GRB10: variants seen among roughly 807,000 people sequenced by gnomAD.
GRB10 encodes the protein growth factor receptor bound protein 10.
GRB10 carries 20 observed loss-of-function variants against 80.9 expected under a neutral mutation model. The ratio of observed to expected loss-of-function variants is 0.25; its 90% confidence interval spans 0.17 to 0.36. GRB10 has a LOEUF of 0.36. Ranked by LOEUF, GRB10 falls within the 10% of genes least tolerant of loss-of-function variation. The pLI, the probability that GRB10 is intolerant of heterozygous loss-of-function variation, is 1.00. For missense variants in GRB10, 548 were observed against 747.7 expected (o/e 0.73, Z 3.12); for synonymous variants, 291 against 291.5 (o/e 1.00, Z 0.02).
chr7:50,620,212 C>A (rs1563181702), intron 8 of GRB10, among the ~76,000 whole-genome samples: 1 of 152,150 alleles, frequency 6.6e-6, no homozygotes. Flanking sequence ...ACAAGATGAA[C>A]AAATGTACAG....
At chr7:50,765,448 G>A (rs1237807701) in intron 2 of GRB10, among the ~76,000 whole-genome samples, 4 of 152,214 alleles carry the variant, frequency 2.6e-5, no homozygotes, top group African/African-American at 9.6e-5. Context: ...TTTAAAAAAG[G>A]TGGTACATAC....
intron 8 of GRB10, among the ~76,000 whole-genome samples, chr7:50,624,176 C>T (rs954719776): frequency 2.0e-5 from 3 of 152,156 alleles, no homozygotes; most frequent in African/African-American, 7.2e-5. Flanking sequence ...CAGCCACCAG[C>T]CTGGCGTATG....
intron 2 of GRB10, among the ~76,000 whole-genome samples, chr7:50,778,026 C>T (rs887439330): frequency 5.3e-5 from 8 of 151,986 alleles, no homozygotes; most frequent in Non-Finnish European, 1.0e-4. Context: ...CCATGGTACA[C>T]GTATACCTAT....
intron 3 of GRB10, among the ~76,000 whole-genome samples, chr7:50,737,829 CAA>C (rs1170383240): frequency 1.3e-5 from 2 of 152,144 alleles, no homozygotes; most frequent in African/African-American, 4.8e-5. Context: ...GCCTGGGCGA[CAA>C]GAGCAAAACT....
intron 2 of GRB10, among the ~76,000 whole-genome samples, chr7:50,762,680 TA>T (rs1351188717): frequency 5.3e-5 from 8 of 152,198 alleles, no homozygotes; most frequent in Non-Finnish European, 8.8e-5. Flanking sequence ...CAAGAACTAC[TA>T]AACTACTAAG....
intron 5 of GRB10, among the ~76,000 whole-genome samples, chr7:50,677,291 C>CA (rs1276819619): frequency 6.6e-6 from 1 of 152,158 alleles, no homozygotes; most frequent in Non-Finnish European, 1.5e-5. Context: ...GAAGAACACT[C>CA]AGAGTCAGCA....
chr7:50,755,519 C>T (rs2074719), intron 3 of GRB10, among the ~76,000 whole-genome samples: 93,368 of 151,446 alleles, frequency 0.62, 31,658 homozygotes, highest in Middle Eastern at 0.87. Context: ...CTGAGGCTCA[C>T]GAGGAGTGCC....
intron 13 of GRB10, chr7:50,606,880 C>G (rs2048644365): frequency 4.8e-6 from 1 of 209,610 alleles, no homozygotes; most frequent in Non-Finnish European, 9.7e-6. Flanking sequence ...CATTCAATCT[C>G]TAGTATGTAT....
At chr7:50,672,062 G>A (rs575869417) in intron 6 of GRB10, among the ~76,000 whole-genome samples, 1 of 152,336 alleles carries the variant, frequency 6.6e-6, no homozygotes, top group East Asian at 1.9e-4. Context: ...ACTCTCAAAA[G>A]CCTGGGTTCC....
At chr7:50,655,535 T>A (rs1438080230) in intron 7 of GRB10, among the ~76,000 whole-genome samples, 3 of 152,186 alleles carry the variant, frequency 2.0e-5, no homozygotes, top group Admixed American at 1.3e-4. Flanking sequence ...CTTACCAATT[T>A]TACTTAGATG....
At chr7:50,652,467 C>G (rs143751724) in intron 7 of GRB10, among the ~76,000 whole-genome samples, 1 of 152,178 alleles carries the variant, frequency 6.6e-6, no homozygotes, top group African/African-American at 2.4e-5. Flanking sequence ...AGGGTGGACA[C>G]AGAATAAGAG....
At chr7:50,757,014 T>C (rs1005408470) in intron 2 of GRB10, among the ~76,000 whole-genome samples, 1 of 152,116 alleles carries the variant, frequency 6.6e-6, no homozygotes, top group Non-Finnish European at 1.5e-5. Context: ...GAAGCTAAAT[T>C]TTCCTAATTG....
intron 7 of GRB10, among the ~76,000 whole-genome samples, chr7:50,668,812 C>T (rs2060072481): frequency 6.6e-6 from 1 of 152,232 alleles, no homozygotes. Flanking sequence ...AGTTTCTCTG[C>T]TAAGCTGACT....
chr7:50,760,017 A>T (rs1488685564), intron 2 of GRB10, among the ~76,000 whole-genome samples: 1 of 152,226 alleles, frequency 6.6e-6, no homozygotes, highest in Non-Finnish European at 1.5e-5. Context: ...AACAGGCCCA[A>T]TAATCCTCAG....
chr7:50,711,140 A>G, intron 4 of GRB10: 1 of 550,080 alleles, frequency 1.8e-6, no homozygotes. Context: ...GATCAACTTT[A>G]AACATTACAG....
chr7:50,632,788 T>C (rs896174385), intron 7 of GRB10, among the ~76,000 whole-genome samples: 2 of 152,120 alleles, frequency 1.3e-5, no homozygotes, highest in African/African-American at 4.8e-5. Flanking sequence ...CTCCTCCTAC[T>C]GAAGAGACTC....
chr7:50,692,300 A>G (rs1414337134), intron 5 of GRB10, among the ~76,000 whole-genome samples: 1 of 152,124 alleles, frequency 6.6e-6, no homozygotes, highest in East Asian at 1.9e-4. Flanking sequence ...ACACACACAC[A>G]CACACACGCA....
intron 4 of GRB10, among the ~76,000 whole-genome samples, chr7:50,714,519 C>T (rs756662882): frequency 8.6e-5 from 13 of 151,964 alleles, no homozygotes; most frequent in African/African-American, 9.7e-5. Context: ...AAAAATTAGA[C>T]GGGTGTGGTG....
At chr7:50,723,724 C>T (rs990043863) in intron 4 of GRB10, among the ~76,000 whole-genome samples, 18 of 152,222 alleles carry the variant, frequency 1.2e-4, no homozygotes, top group African/African-American at 1.9e-4. Flanking sequence ...CAGCCTCACA[C>T]GCCTGAAGCG....
Sources: allele counts gnomAD v4.1 joint callset (sites outside exome capture counted in the v4.1 genomes callset), GRCh38; gene constraint gnomAD v4.1.1; transcripts MANE v1.5; gene names NCBI Gene and HGNC (gene_info 2026-07-23, HGNC 2026-07-21).